The following PTCHD4 variants were observed in gnomAD, a reference collection of about 807,000 sequenced individuals.
The protein encoded by PTCHD4 is patched domain containing 4.
Under a neutral mutation model 58.1 loss-of-function variants are expected in PTCHD4, and 33 were observed. The observed-to-expected ratio is 0.57, with a 90% CI of 0.43 to 0.76. The LOEUF (loss-of-function observed/expected upper bound fraction) is 0.76. PTCHD4 is among the 30% of genes least tolerant of loss of function. PTCHD4 has a pLI of 0.00. For missense variants in PTCHD4, 1,058 were observed against 1,027.1 expected, an observed-to-expected ratio of 1.03 and a Z score of -0.41; for synonymous variants, 478 against 409.6, an observed-to-expected ratio of 1.17 and a Z score of -2.02.
Position 47,923,974 on chromosome 6 carries a change from G to C in PTCHD4, c.899-44038C>G, listed in dbSNP as rs190843882. 8.0e-4 allele frequency among the ~76,000 whole-genome samples: 122 copies of C among 152,148 alleles called. 2 individuals carry two copies. Among genetic ancestry groups the C allele is most frequent in the African/African-American group, 2.6e-3 (108 of 41,522 alleles). On this transcript the variant is annotated intron_variant, in intron 4 of 4. Transcript: ENST00000339488. The stretch of plus-strand genomic sequence containing the variant: ...TAACATCACTCACAAAATACGAATG[G>C]GGAACAAAAAACTAACTCTGGATGG...
intron 3 of PTCHD4, among the ~76,000 whole-genome samples, chr6:48,057,472 T>C (rs534628711): frequency 6.6e-6 from 1 of 152,348 alleles, no homozygotes; most frequent in East Asian, 1.9e-4. Flanking sequence ...ACTTACACTT[T>C]AGTAGAGATT....
intron 4 of PTCHD4, among the ~76,000 whole-genome samples, chr6:47,927,763 T>A (rs1451725318): frequency 6.6e-6 from 1 of 151,704 alleles, no homozygotes; most frequent in East Asian, 1.9e-4. Flanking sequence ...TGGTTTTTTA[T>A]TTATTTATTT....
chr6:47,932,527 C>T (rs76061613), intron 4 of PTCHD4, among the ~76,000 whole-genome samples: 1,716 of 152,240 alleles, frequency 0.011, 26 homozygotes, highest in Non-Finnish European at 0.014. Context: ...AGAGAAATTT[C>T]CTAAAAGGTA....
Position 48,032,053 on chromosome 6 carries a change from C to A in PTCHD4, c.418-22939G>T, listed in dbSNP as rs1763463795. 3.5e-5 allele frequency among the ~76,000 whole-genome samples: 4 copies of A among 114,478 alleles called. No individual in the cohort carries two copies. In the South Asian group the frequency reaches 1.2e-3, roughly 34 times the overall value. The allele number at this position is 114,478 out of a possible 152,430, so 75.1% of individuals were successfully genotyped here. A position where few individuals can be genotyped will look rare whatever the true frequency, so the allele number is the denominator to read the frequency against. The stretch of plus-strand genomic sequence containing the variant: ...GATGTACCCTCTGTCCTTGACATGG[C>A]TATTCTCCACAAACCCCAGGCATTT... On this transcript the variant is annotated intron_variant, in intron 3 of 4. Coordinates refer to ENST00000339488, the MANE Select transcript of PTCHD4 (RefSeq NM_001384253.1).
At chr6:48,097,757 T>C (rs910491315) in intron 1 of PTCHD4, among the ~76,000 whole-genome samples, 1 of 152,190 alleles carries the variant, frequency 6.6e-6, no homozygotes, top group Non-Finnish European at 1.5e-5. Context: ...AGAGATATAG[T>C]ACAGTTTAGG....
chr6:47,961,163 A>G (rs1250166623), intron 4 of PTCHD4, among the ~76,000 whole-genome samples: 1 of 152,154 alleles, frequency 6.6e-6, no homozygotes, highest in Non-Finnish European at 1.5e-5. Context: ...ATATGATTAG[A>G]TTAGAAATCA....
intron 4 of PTCHD4, among the ~76,000 whole-genome samples, chr6:47,934,058 ATC>A (rs1228808745): frequency 1.3e-5 from 2 of 152,222 alleles, no homozygotes; most frequent in African/African-American, 4.8e-5. Context: ...GTATATCCAT[ATC>A]ACCAAATTCC....
chr6:48,091,992 T>C (rs919564389), intron 1 of PTCHD4, among the ~76,000 whole-genome samples: 3 of 145,928 alleles, frequency 2.1e-5, no homozygotes, highest in Non-Finnish European at 4.6e-5. Context: ...CACATACACA[T>C]ACACACACAC....
rs1449751923 is a variant in PTCHD4 at position 47,867,541 on chromosome 6, T to A, written c.*10762A>T. 1.3e-5 allele frequency among the ~76,000 whole-genome samples: 2 copies of A among 151,726 alleles called. No individual in the cohort carries two copies. Among genetic ancestry groups the A allele is most frequent in the African/African-American group, 2.4e-5 (1 of 41,370 alleles). ...CTCCCCATATCCTGGCAATGCTTTA[T>A]AATACCACTCACAATGGGCGCTTCC... On this transcript the variant is annotated 3_prime_UTR_variant, in exon 5 of 5. Coordinates refer to ENST00000339488, the MANE Select transcript of PTCHD4 (RefSeq NM_001384253.1).
intron 4 of PTCHD4, among the ~76,000 whole-genome samples, chr6:47,881,066 C>T (rs1764008701): frequency 1.3e-5 from 2 of 152,202 alleles, no homozygotes; most frequent in Admixed American, 1.3e-4. Flanking sequence ...TGGATACAAG[C>T]TGTGCTTGGG....
At chr6:48,070,424 C>T (rs553323864) in intron 1 of PTCHD4, among the ~76,000 whole-genome samples, 2 of 152,166 alleles carry the variant, frequency 1.3e-5, no homozygotes, top group African/African-American at 4.8e-5. Flanking sequence ...ATTGATTCTT[C>T]AGTTAAGAGA....
At position 47,863,439 on chromosome 6, in the gene PTCHD4, G is replaced by A. The variant is rs901505876; in HGVS notation, c.*14864C>T. ...GGCCTAATAATATAATAGTGTTTCA[G>A]CCTCATTATTTCTGGTTCTTTTCTC... is the stretch of plus-strand genomic sequence containing the variant. On this transcript the variant is annotated 3_prime_UTR_variant, in exon 5 of 5. Transcript: ENST00000339488. Among the ~76,000 whole-genome samples the A allele has an allele frequency of 4.0e-5, 6 of 151,804 alleles. No individual in the cohort carries two copies. Among genetic ancestry groups the A allele is most frequent in the African/African-American group, 1.5e-4 (6 of 41,374 alleles).
chr6:48,065,334 T>A (rs1764760608), intron 3 of PTCHD4, among the ~76,000 whole-genome samples: 1 of 152,190 alleles, frequency 6.6e-6, no homozygotes, highest in Non-Finnish European at 1.5e-5. Flanking sequence ...CATTTTCCAG[T>A]ACTAAAATTT....
chr6:48,064,927 G>C (rs184667495), intron 3 of PTCHD4, among the ~76,000 whole-genome samples: 1 of 152,118 alleles, frequency 6.6e-6, no homozygotes, highest in East Asian at 1.9e-4. Context: ...TTTTGAAATC[G>C]TGTATATGTA....
intron 1 of PTCHD4, among the ~76,000 whole-genome samples, chr6:48,088,759 G>GA (rs1765308752): frequency 2.0e-5 from 3 of 152,094 alleles, no homozygotes; most frequent in Admixed American, 2.0e-4. Flanking sequence ...AGGAATGGGG[G>GA]ATGGCCAGGT....
intron 3 of PTCHD4, among the ~76,000 whole-genome samples, chr6:48,040,801 A>G (rs1196608413): frequency 6.6e-6 from 1 of 152,028 alleles, no homozygotes; most frequent in Non-Finnish European, 1.5e-5. Context: ...TGGAGTTAAG[A>G]CTAGAAGCCA....
chr6:47,986,353 C>G (rs1768062197), intron 4 of PTCHD4, among the ~76,000 whole-genome samples: 1 of 152,082 alleles, frequency 6.6e-6, no homozygotes, highest in South Asian at 2.1e-4. Flanking sequence ...TATAAATGCT[C>G]AATATATTTT....
chr6:47,857,861 T>C lies in PTCHD4; in HGVS notation c.*20442A>G, dbSNP rs1304774603. 1.3e-5 allele frequency among the ~76,000 whole-genome samples: 2 copies of C among 152,014 alleles called. No homozygotes were observed. Among genetic ancestry groups the C allele is most frequent in the Non-Finnish European group, 2.9e-5 (2 of 67,962 alleles). ...GTACTTTAACATCTACCTCCCAAAG[T>C]TAATTTCATTATAATAATTTTTTAG... On this transcript the variant is annotated 3_prime_UTR_variant, in exon 5 of 5. Transcript: ENST00000339488.
Position 48,026,838 on chromosome 6 carries a change from C to T in PTCHD4, c.418-17724G>A, listed in dbSNP as rs530831789. ...CCACAAGATTACATATTGGGGCAGA[C>T]GAAAATATTAAAAATCTTCTTGATG... On this transcript the variant is annotated intron_variant, in intron 3 of 4. Coordinates refer to ENST00000339488, the MANE Select transcript of PTCHD4 (RefSeq NM_001384253.1). Among the ~76,000 whole-genome samples, 14 of 151,694 alleles carry T rather than the reference C, an allele frequency of 9.2e-5. No individual in the cohort carries two copies. In the East Asian group the frequency reaches 1.2e-3, roughly 13 times the overall value.
Sources: allele counts gnomAD v4.1 joint callset (sites outside exome capture counted in the v4.1 genomes callset), GRCh38; gene constraint gnomAD v4.1.1; transcripts MANE v1.5; gene names NCBI Gene and HGNC (gene_info 2026-07-23, HGNC 2026-07-21).